Variants in PTGES3 observed in about 807,000 individuals in gnomAD.
The protein encoded by PTGES3 is prostaglandin E synthase 3.
In PTGES3, 5 loss-of-function variants were observed where a neutral mutation model predicts 29.9. That is an observed-to-expected ratio of 0.17 (90% CI 0.09 to 0.35). The LOEUF is 0.35. Among genes scored for constraint, PTGES3 ranks in the 10% least tolerant of loss-of-function variants. PTGES3 has a pLI of 1.00. For missense variants in PTGES3, 128 were observed against 190.0 expected (o/e 0.67, Z 1.92); for synonymous variants, 49 against 57.8 (o/e 0.85, Z 0.69).
At position 56,664,386 on chromosome 12, in the gene PTGES3, C is replaced by T. The variant is rs1271869513; in HGVS notation, c.*93G>A. The T allele has an allele frequency of 6.9e-7, 1 of 1,439,932 alleles. No individual in the cohort carries two copies. Among genetic ancestry groups the T allele is most frequent in the Non-Finnish European group, 9.6e-7 (1 of 1,042,410 alleles). 89.2% of individuals were successfully genotyped at this position (1,439,932 alleles called of 1,614,324 possible). On this transcript the variant is annotated 3_prime_UTR_variant, in exon 8 of 8. Coordinates refer to ENST00000262033, the MANE Select transcript of PTGES3 (RefSeq NM_006601.7). ...AAGTAGGCAAATACAGCATATCTGCCTTTAGAGCTATCAACTCAGGAATTC... is the reference window on the plus strand; with the variant it reads ...AAGTAGGCAAATACAGCATATCTGCTTTTAGAGCTATCAACTCAGGAATTC...
chr12:56,675,558 G>A (rs983180373), intron 1 of PTGES3, among the ~76,000 whole-genome samples: 9 of 148,010 alleles, frequency 6.1e-5, no homozygotes, highest in Non-Finnish European at 1.2e-4. Flanking sequence ...TGAGATAAGA[G>A]ATATTTGTGG....
chr12:56,683,097 C>G (rs1952629157), intron 1 of PTGES3, among the ~76,000 whole-genome samples: 2 of 152,080 alleles, frequency 1.3e-5, no homozygotes, highest in African/African-American at 4.8e-5. Flanking sequence ...CGCCTGTAAT[C>G]CCAGCACTCT....
rs11171921 is a variant in PTGES3, at chr12:56,670,433, G to A, written c.286-69C>T. 4.3e-3 allele frequency: 5,079 copies of A among 1,169,012 alleles called. 160 individuals are homozygous for A. In the African/African-American group the frequency reaches 0.067, roughly 15 times the overall value. The allele number at this position is 1,169,012 out of a possible 1,614,324, so 72.4% of individuals were successfully genotyped here. A position where few individuals can be genotyped will look rare whatever the true frequency, so the allele number is the denominator to read the frequency against. On this transcript the variant is annotated intron_variant, in intron 4 of 7. Transcript: ENST00000262033. ...CATTTGGCATGAACCTTAAGACTAC[G>A]TTTTCTTTTCTTCTAAAGAGACCAG...
intron 1 of PTGES3, among the ~76,000 whole-genome samples, chr12:56,686,717 G>C (rs939106205): frequency 6.6e-5 from 10 of 151,992 alleles, no homozygotes; most frequent in African/African-American, 2.4e-4. Flanking sequence ...TATCACTTTC[G>C]GGGAGGGGGC....
At chr12:56,682,986 T>A (rs1481214718) in intron 1 of PTGES3, among the ~76,000 whole-genome samples, 1 of 148,280 alleles carries the variant, frequency 6.7e-6, no homozygotes, top group African/African-American at 2.5e-5. Flanking sequence ...AGAATGAGAC[T>A]CCGCCTCAAG....
intron 5 of PTGES3, among the ~76,000 whole-genome samples, chr12:56,669,154 C>T (rs1160623713): frequency 1.3e-5 from 2 of 151,714 alleles, no homozygotes; most frequent in East Asian, 1.9e-4. Flanking sequence ...GGATTACAGG[C>T]GTGCACTACC....
chr12:56,675,731 G>A (rs1952210675), intron 1 of PTGES3, among the ~76,000 whole-genome samples: 1 of 151,976 alleles, frequency 6.6e-6, no homozygotes, highest in Non-Finnish European at 1.5e-5. Context: ...AGACCAGCCT[G>A]GCAAACATTA....
intron 1 of PTGES3, chr12:56,687,619 G>A: frequency 8.9e-7 from 1 of 1,122,172 alleles, no homozygotes; most frequent in Non-Finnish European, 1.1e-6. Flanking sequence ...AACAGAACCG[G>A]AGCGCCCAAG....
At chr12:56,670,598 G>A (rs1401796597) in intron 4 of PTGES3, 4 of 478,096 alleles carry the variant, frequency 8.4e-6, no homozygotes, top group Admixed American at 3.3e-5. Flanking sequence ...GGTGGTCCCC[G>A]CTTCCTGGGA....
chr12:56,687,538 C>G (rs1952935801), intron 1 of PTGES3: 1 of 1,006,934 alleles, frequency 9.9e-7, no homozygotes, highest in Admixed American at 5.9e-5. Flanking sequence ...CTCCCAGGAG[C>G]TCCGCCAGGC....
chr12:56,687,826 A>T, intron 1 of PTGES3, 172 bp downstream of exon 1: 1 of 1,453,128 alleles, frequency 6.9e-7, no homozygotes. Flanking sequence ...TGGAGGAAAA[A>T]TGTCCTCCAC....
At chr12:56,665,185 A>C in intron 6 of PTGES3, 3 of 985,334 alleles carry the variant, frequency 3.0e-6, no homozygotes, top group Non-Finnish European at 3.6e-6. Flanking sequence ...AAATAGCATT[A>C]AATAACTTTC....
At chr12:56,667,519 A>G (rs1483430625) in intron 5 of PTGES3, among the ~76,000 whole-genome samples, 1 of 152,218 alleles carries the variant, frequency 6.6e-6, no homozygotes, top group African/African-American at 2.4e-5. Flanking sequence ...GTGACAAAAC[A>G]CAATGAAGAA....
At chr12:56,676,387 T>C (rs1486254331) in intron 1 of PTGES3, among the ~76,000 whole-genome samples, 1 of 152,158 alleles carries the variant, frequency 6.6e-6, no homozygotes, top group Non-Finnish European at 1.5e-5. Context: ...TTTGTTTTAT[T>C]ATATAATCTA....
intron 1 of PTGES3, among the ~76,000 whole-genome samples, chr12:56,677,461 G>A (rs918483652): frequency 1.3e-5 from 2 of 152,084 alleles, no homozygotes; most frequent in African/African-American, 2.4e-5. Context: ...TGACATAGCT[G>A]TATCCAAGCA....
rs1186420480 is a variant in PTGES3 at position 56,664,863 on chromosome 12, AC to A, written c.439-64del. On this transcript the variant is annotated intron_variant, in intron 6 of 7. Coordinates refer to ENST00000262033, the MANE Select transcript of PTGES3 (RefSeq NM_006601.7). ...TATTCGTTTGCTAACTGAACAGTTTACCTAAAAAAGTTCAAGTGCTATATTT... is the reference window on the plus strand; with the variant it reads ...TATTCGTTTGCTAACTGAACAGTTTACTAAAAAAGTTCAAGTGCTATATTT... The A allele has an allele frequency of 5.7e-6, 9 of 1,574,716 alleles. No individual in the cohort carries two copies. In the Admixed American group the frequency reaches 1.8e-4, roughly 32 times the overall value.
chr12:56,672,945 A>C lies in PTGES3; in HGVS notation c.116+7T>G. 6.3e-7 allele frequency: 1 copy of C among 1,594,270 alleles called. No homozygotes were observed. Among genetic ancestry groups the C allele is most frequent in the Non-Finnish European group, 8.5e-7 (1 of 1,171,756 alleles). Reference sequence around the variant, plus strand: ...TTTTACATCATTGGATAAAAAGCTTAACTTACCTGAATGTAAGTTTGGATT... The same window carrying C: ...TTTTACATCATTGGATAAAAAGCTTCACTTACCTGAATGTAAGTTTGGATT... On this transcript the variant is annotated splice_region_variant and intron_variant, in intron 2 of 7. Transcript: ENST00000262033.
chr12:56,684,287 A>C (rs1952723254), intron 1 of PTGES3, among the ~76,000 whole-genome samples: 1 of 152,220 alleles, frequency 6.6e-6, no homozygotes, highest in Non-Finnish European at 1.5e-5. Context: ...GCTTGCACTC[A>C]AGAAATTTTT....
At chr12:56,666,925 C>G (rs184498013) in intron 5 of PTGES3, among the ~76,000 whole-genome samples, 3 of 151,876 alleles carry the variant, frequency 2.0e-5, no homozygotes, top group African/African-American at 7.3e-5. Context: ...CCATGCCAAG[C>G]CTTTTTTATT....
Sources: gnomAD v4.1 joint callset for allele counts (sites outside exome capture counted in the v4.1 genomes callset) on GRCh38, gnomAD v4.1.1 for gene constraint, MANE v1.5 for transcripts, NCBI Gene and HGNC (gene_info 2026-07-23, HGNC 2026-07-21) for gene names.